The following FOXP4 variants were observed in gnomAD, a reference collection of about 807,000 sequenced individuals.
The protein encoded by FOXP4 is forkhead box P4, also known as forkhead box protein P4.
In FOXP4, 25 loss-of-function variants were observed where a neutral mutation model predicts 82.6. That is an observed-to-expected ratio of 0.30 (90% confidence interval 0.22 to 0.42). The LOEUF is 0.42. Among genes scored for constraint, FOXP4 ranks in the 10% least tolerant of loss-of-function variants. FOXP4 has a pLI of 1.00. For synonymous variants in FOXP4, 415 were observed against 388.2 expected (o/e 1.07, Z -0.81); for missense variants, 785 against 900.9 (o/e 0.87, Z 1.65).
intron 2 of FOXP4, among the ~76,000 whole-genome samples, chr6:41,566,695 T>G (rs1764900102): frequency 6.6e-6 from 1 of 152,196 alleles, no homozygotes; most frequent in African/African-American, 2.4e-5. Context: ...AGAGTCATGC[T>G]CAACAAGTTG....
chr6:41,574,502 C>T (rs1031466227), intron 2 of FOXP4, among the ~76,000 whole-genome samples: 11 of 152,346 alleles, frequency 7.2e-5, no homozygotes, highest in Admixed American at 1.3e-4. Context: ...GCCAGCCTCC[C>T]GTATTCAGCC....
chr6:41,575,704 C>T (rs1239476733), intron 2 of FOXP4, among the ~76,000 whole-genome samples: 3 of 151,024 alleles, frequency 2.0e-5, no homozygotes, highest in Non-Finnish European at 4.4e-5. Context: ...GGCCACCCCC[C>T]ACCCCACCCC....
chr6:41,594,440 A>T (rs1164203819), intron 13 of FOXP4, among the ~76,000 whole-genome samples: 3 of 152,242 alleles, frequency 2.0e-5, no homozygotes, highest in Admixed American at 2.0e-4. Flanking sequence ...GAAATTCTGC[A>T]TGCAGCTGAG....
At chr6:41,553,795 A>C (rs1764130033) in intron 1 of FOXP4, among the ~76,000 whole-genome samples, 1 of 152,164 alleles carries the variant, frequency 6.6e-6, no homozygotes, top group African/African-American at 2.4e-5. Context: ...TGTCATTCAG[A>C]AGCTGCTGCC....
intron 1 of FOXP4, among the ~76,000 whole-genome samples, chr6:41,560,118 A>G (rs1199555119): frequency 6.6e-6 from 1 of 152,202 alleles, no homozygotes; most frequent in Non-Finnish European, 1.5e-5. Flanking sequence ...AGAAGAAAAG[A>G]GGAGAATCAA....
intron 1 of FOXP4, among the ~76,000 whole-genome samples, chr6:41,565,056 T>C (rs917725927): frequency 6.6e-6 from 1 of 152,166 alleles, no homozygotes; most frequent in Non-Finnish European, 1.5e-5. Flanking sequence ...GGTGTAGGTT[T>C]AAGACCCAGA....
In FOXP4 at chr6:41,587,097, A is replaced by G. The variant is rs944502443; in HGVS notation, c.599A>G (p.Gln200Arg). The G allele has an allele frequency of 6.2e-7, 1 of 1,609,462 alleles. No homozygotes were observed. The highest frequency in any genetic ancestry group is 1.3e-5 in the African/African-American group (1 of 74,960). ...QQQHLLNLQR[Q>R]GLVSLQPNQA... ...CAGCACCTGCTCAACCTGCAGAGGC[A>G]GGGGCTGGTCAGCCTGCAGCCCAAC... is the stretch of plus-strand genomic sequence containing the variant. Residue 200 changes from glutamine (Q) to arginine (R), a missense_variant, in exon 6 of 17, where the codon CAG becomes CGG. Physicochemically the swap from Gln to Arg is conservative, Grantham distance 43. Around this residue, in one of 3 missense-constraint regions of FOXP4, gnomAD observed 570 missense variants for 634.0 expected, o/e 0.90. Coordinates refer to ENST00000307972, the MANE Select transcript of FOXP4 (RefSeq NM_001012426.2).
At chr6:41,584,725 G>C (rs780310043) in intron 3 of FOXP4, 44 bp from the exon 4 acceptor site, 4 of 1,530,854 alleles carry the variant, frequency 2.6e-6, no homozygotes, top group Non-Finnish European at 2.7e-6. Context: ...GCCTCCTCCT[G>C]GGTTGGGGTC....
intron 3 of FOXP4, among the ~76,000 whole-genome samples, chr6:41,579,991 C>G (rs1765706457): frequency 6.6e-6 from 1 of 150,814 alleles, no homozygotes; most frequent in South Asian, 2.1e-4. Context: ...CAAAGTTATA[C>G]AACAAATAAA....
At chr6:41,597,310 C>T in intron 15 of FOXP4, 68 bp downstream of exon 15, 1 of 1,507,774 alleles carries the variant, frequency 6.6e-7, no homozygotes, top group Non-Finnish European at 9.2e-7. Flanking sequence ...ACAAGAGACC[C>T]CCATCCTCCC....
chr6:41,555,075 C>G (rs1301839301), intron 1 of FOXP4, among the ~76,000 whole-genome samples: 2 of 151,896 alleles, frequency 1.3e-5, no homozygotes, highest in African/African-American at 4.8e-5. Context: ...ATGGTGAAAC[C>G]CCCTCTCTAC....
intron 1 of FOXP4, among the ~76,000 whole-genome samples, chr6:41,563,065 A>G (rs534222099): frequency 1.6e-4 from 25 of 152,332 alleles, no homozygotes; most frequent in African/African-American, 6.0e-4. Flanking sequence ...AGCTCCTCTC[A>G]GAACTTAGGA....
At chr6:41,573,137 G>A (rs11756325) in intron 2 of FOXP4, among the ~76,000 whole-genome samples, 5,032 of 152,154 alleles carry the variant, frequency 0.033, 124 homozygotes, top group South Asian at 0.073. Flanking sequence ...CACACACAGA[G>A]AATAAGGCTG....
At chr6:41,579,660 A>G (rs1765686039) in intron 3 of FOXP4, among the ~76,000 whole-genome samples, 1 of 151,890 alleles carries the variant, frequency 6.6e-6, no homozygotes, top group Non-Finnish European at 1.5e-5. Context: ...TCCTTAGGAA[A>G]CTCCCTCCCT....
intron 3 of FOXP4, among the ~76,000 whole-genome samples, chr6:41,583,987 G>A (rs1266085752): frequency 1.3e-5 from 2 of 152,130 alleles, no homozygotes; most frequent in Non-Finnish European, 2.9e-5. Context: ...TGAGGAAACC[G>A]AAACATAAGA....
At chr6:41,570,567 A>T (rs1310685314) in intron 2 of FOXP4, among the ~76,000 whole-genome samples, 1 of 152,102 alleles carries the variant, frequency 6.6e-6, no homozygotes, top group Non-Finnish European at 1.5e-5. Context: ...TGGGGCCTGG[A>T]GGAGGGATCT....
At position 41,601,318 on chromosome 6, in the gene FOXP4, C is replaced by G. The variant is rs4714494; in HGVS notation, c.*2382C>G. The stretch of plus-strand genomic sequence containing the variant: ...CAAGCTGCTAAGCCAAAGATGGCCC[C>G]TGACACCTCCCCCAGCCCCAGCACA... On this transcript the variant is annotated 3_prime_UTR_variant, in exon 17 of 17. Coordinates refer to ENST00000307972, the MANE Select transcript of FOXP4 (RefSeq NM_001012426.2). 0.039 allele frequency: 5,911 copies of G among 152,908 alleles called. 312 individuals are homozygous for G. Among genetic ancestry groups the G allele is most frequent in the East Asian group, 0.18 (922 of 5,182 alleles). The allele number at this position is 152,908 out of a possible 1,614,324, so 9.5% of individuals were successfully genotyped here.
At chr6:41,586,095 G>A (rs1766099569) in intron 5 of FOXP4, among the ~76,000 whole-genome samples, 1 of 151,994 alleles carries the variant, frequency 6.6e-6, no homozygotes, top group Admixed American at 6.5e-5. Context: ...CATCTCTCCT[G>A]CTGCCCAACC....
chr6:41,561,998 G>A (rs983658246), intron 1 of FOXP4, among the ~76,000 whole-genome samples: 12 of 152,168 alleles, frequency 7.9e-5, no homozygotes, highest in South Asian at 6.2e-4. Flanking sequence ...AAGGCCTCCC[G>A]CCAGCACCCT....
Sources: gnomAD v4.1 joint callset for allele counts (sites outside exome capture counted in the v4.1 genomes callset) on GRCh38, gnomAD v4.1.1 for gene constraint, gnomAD v4.1.1 regional missense constraint, MANE v1.5 for transcripts, NCBI Gene and HGNC (gene_info 2026-07-23, HGNC 2026-07-21) for gene names.